The following CA5B variants were observed in gnomAD, a reference collection of about 807,000 sequenced individuals.
CA5B encodes carbonic anhydrase 5B, also known as carbonic anhydrase 5B, mitochondrial.
A neutral mutation model predicts 23.1 loss-of-function variants in CA5B; 15 were observed. The ratio of observed to expected loss-of-function variants is 0.65; its 90% CI spans 0.43 to 1.00. CA5B has a LOEUF of 1.00. CA5B is among the 50% of genes least tolerant of loss of function. The probability of loss-of-function intolerance (pLI) is 0.00; values close to 1 mark genes in which losing one functional copy is unlikely to be tolerated. For missense variants in CA5B, 236 were observed against 252.2 expected, an observed-to-expected ratio of 0.94 and a Z score of 0.43; for synonymous variants, 84 against 98.5, an observed-to-expected ratio of 0.85 and a Z score of 0.87.
chrX:15,740,316 T>C (rs1569272032), intron 1 of CA5B, among the ~76,000 whole-genome samples: 1 of 112,623 alleles, frequency 8.9e-6, no homozygotes, highest in Non-Finnish European at 1.9e-5. Flanking sequence ...CTGTGTTTGC[T>C]GGTTAAACAT....
chrX:15,749,755 A>G (rs1376283536), intron 1 of CA5B: 8 of 264,982 alleles, frequency 3.0e-5, no homozygotes, highest in Non-Finnish European at 5.3e-5. Flanking sequence ...AAGGCAAAGC[A>G]TGTGAGTCAG....
At chrX:15,752,618 A>T (rs752242327) in intron 2 of CA5B, among the ~76,000 whole-genome samples, 1 of 110,692 alleles carries the variant, frequency 9.0e-6, no homozygotes, top group Admixed American at 9.6e-5. Flanking sequence ...CCAGCTACTA[A>T]GGATGCTGAG....
rs1932040799 is a variant in CA5B, at chrX:15,782,433, G to A, written c.775-52G>A. ...AAAATGAAAGTAATTTATTCACGAGGTAAAGCGAGTTTTCTGTTGAAATTA... is the reference window on the plus strand; with the variant it reads ...AAAATGAAAGTAATTTATTCACGAGATAAAGCGAGTTTTCTGTTGAAATTA... On this transcript the variant is annotated intron_variant, in intron 7 of 7. Transcript: ENST00000318636. 26 of 1,071,874 alleles carry A rather than the reference G, an allele frequency of 2.4e-5. No individual in the cohort carries two copies. In the South Asian group the frequency reaches 4.9e-4, roughly 20 times the overall value. The allele number at this position is 1,071,874 out of a possible 1,213,427, so 88.3% of individuals were successfully genotyped here. A position where few individuals can be genotyped will look rare whatever the true frequency, so the allele number is the denominator to read the frequency against.
At chrX:15,764,835 G>A (rs1931674594) in intron 3 of CA5B, 60 bp downstream of exon 3, 2 of 780,293 alleles carry the variant, frequency 2.6e-6, no homozygotes, top group Non-Finnish European at 3.7e-6. Flanking sequence ...TGTTAACAGA[G>A]GACACATCAA....
At position 15,785,657 on chromosome X, in the gene CA5B, T is replaced by A. The variant is rs1392257640; in HGVS notation, c.*2993T>A. The A allele has an allele frequency of 2.7e-5, 3 of 111,672 alleles. No homozygotes were observed. The highest frequency in any genetic ancestry group is 5.6e-5 in the Non-Finnish European group (3 of 53,102). The allele number at this position is 111,672 out of a possible 1,213,427, so 9.2% of individuals were successfully genotyped here. ...GTATAAGTTTGAGAAATATCTCTTT[T>A]AAAAAGGGGGAAATGTGAAGGCTTT... On this transcript the variant is annotated 3_prime_UTR_variant, in exon 8 of 8. Transcript: ENST00000318636.
intron 6 of CA5B, chrX:15,775,861 C>T (rs1312138737): frequency 1.3e-5 from 10 of 750,186 alleles, no homozygotes; most frequent in Non-Finnish European, 1.6e-5. Context: ...CTCCTTTCCT[C>T]TCTGGAAGCC....
rs148673226 is a variant in CA5B, at chrX:15,785,632, G to C, written c.*2968G>C. 1 of 111,945 alleles carries C rather than the reference G, an allele frequency of 8.9e-6. No individual in the cohort carries two copies. The highest frequency in any genetic ancestry group is 2.8e-4 in the East Asian group (1 of 3,584). The allele number at this position is 111,945 out of a possible 1,213,427, so 9.2% of individuals were successfully genotyped here. ...TACTTAACACTACTGAACTGTATAC[G>C]TATAAGTTTGAGAAATATCTCTTTT... On this transcript the variant is annotated 3_prime_UTR_variant, in exon 8 of 8. Coordinates refer to ENST00000318636, the MANE Select transcript of CA5B (RefSeq NM_007220.4).
intron 1 of CA5B, among the ~76,000 whole-genome samples, chrX:15,748,295 A>C (rs1008757436): frequency 8.9e-6 from 1 of 111,978 alleles, no homozygotes; most frequent in African/African-American, 3.2e-5. Context: ...CTATGTCTGC[A>C]GCTCAATTTT....
At chrX:15,738,521 T>C (rs2056976536) in intron 1 of CA5B, among the ~76,000 whole-genome samples, 169 bp downstream of exon 1, 1 of 110,933 alleles carries the variant, frequency 9.0e-6, no homozygotes, top group African/African-American at 3.3e-5. Context: ...CCGGGAGTAC[T>C]GAGTGGGGCC....
intron 7 of CA5B, among the ~76,000 whole-genome samples, chrX:15,780,731 G>A (rs1010467688): frequency 8.9e-6 from 1 of 112,603 alleles, no homozygotes; most frequent in African/African-American, 3.2e-5. Context: ...TACTTGTACA[G>A]CTTTCTAATT....
intron 1 of CA5B, among the ~76,000 whole-genome samples, chrX:15,748,794 A>T (rs1326048030): frequency 9.5e-6 from 1 of 105,389 alleles, no homozygotes; most frequent in African/African-American, 3.5e-5. Flanking sequence ...CACACCTGTA[A>T]TCCCAGCACT....
intron 7 of CA5B, among the ~76,000 whole-genome samples, chrX:15,780,295 G>A (rs76544290): frequency 1.0e-5 from 1 of 97,473 alleles, no homozygotes; most frequent in Admixed American, 1.1e-4. Context: ...TTTTTTTTAA[G>A]ACGGTCTCTA....
intron 2 of CA5B, among the ~76,000 whole-genome samples, chrX:15,757,111 C>A (rs976855026): frequency 9.2e-6 from 1 of 109,002 alleles, no homozygotes; most frequent in African/African-American, 3.3e-5. Flanking sequence ...TGCAGTGGCT[C>A]ACACCTGTAA....
intron 7 of CA5B, among the ~76,000 whole-genome samples, chrX:15,782,240 A>G (rs1043333242): frequency 3.6e-5 from 4 of 112,229 alleles, no homozygotes; most frequent in Middle Eastern, 4.6e-3. Flanking sequence ...TTGGATCCCA[A>G]GTGCCCTCCT....
chrX:15,760,865 T>C (rs1262179849), intron 2 of CA5B, among the ~76,000 whole-genome samples: 1 of 112,008 alleles, frequency 8.9e-6, no homozygotes, highest in Non-Finnish European at 1.9e-5. Flanking sequence ...TTCAAGTCAT[T>C]TGAATTTGAG....
At position 15,750,117 on chromosome X, in the gene CA5B, A is replaced by C. The variant is rs1476578323; in HGVS notation, c.94A>C (p.Arg32=). Reference sequence around the variant, plus strand: ...CCAGATTCCGAGATTCATGCCAGCGAGGCCCTGCAGCCTCTATACTTGTAC... The same window carrying C: ...CCAGATTCCGAGATTCATGCCAGCGCGGCCCTGCAGCCTCTATACTTGTAC... The part of the protein sequence containing the change: ...KFQIPRFMPA[R]PCSLYTCTYK... Residue 32 remains arginine, a synonymous_variant, in exon 2 of 8, where the codon AGG becomes CGG. Transcript: ENST00000318636. 7 of 1,211,790 alleles carry C rather than the reference A, an allele frequency of 5.8e-6. No individual in the cohort carries two copies. The highest frequency in any genetic ancestry group is 7.8e-6 in the Non-Finnish European group (7 of 895,436).
At chrX:15,752,212 A>G (rs1601780843) in intron 2 of CA5B, among the ~76,000 whole-genome samples, 2 of 110,636 alleles carry the variant, frequency 1.8e-5, no homozygotes, top group African/African-American at 6.6e-5. Flanking sequence ...CCAAATTCCT[A>G]TCTAAGGGGT....
chrX:15,749,963 C>T lies in CA5B; in HGVS notation c.-53-8C>T. ...ACAGCTTTCCCTCCTCTGCCCTCAT[C>T]CCTCTAGATTATTAAGTTCCTGCAA... On this transcript the variant is annotated splice_region_variant and splice_polypyrimidine_tract_variant and intron_variant, in intron 1 of 7. Transcript: ENST00000318636. The T allele has an allele frequency of 8.5e-7, 1 of 1,180,171 alleles. No homozygotes were observed. The highest frequency in any genetic ancestry group is 1.1e-6 in the Non-Finnish European group (1 of 875,108).
intron 2 of CA5B, among the ~76,000 whole-genome samples, chrX:15,753,894 G>A (rs1569275565): frequency 8.9e-6 from 1 of 112,358 alleles, no homozygotes; most frequent in East Asian, 2.8e-4. Context: ...TGGGCGACAA[G>A]AGCGAAATTC....
Sources: allele counts gnomAD v4.1 joint callset (sites outside exome capture counted in the v4.1 genomes callset), GRCh38; gene constraint gnomAD v4.1.1; transcripts MANE v1.5; gene names NCBI Gene and HGNC (gene_info 2026-07-23, HGNC 2026-07-21).